Variants in VSIG4 observed in about 807,000 individuals in gnomAD.
VSIG4 encodes V-set and immunoglobulin domain containing 4.
In VSIG4, 34 loss-of-function variants were observed where a neutral mutation model predicts 23.4. The observed-to-expected ratio is 1.45, with a 90% CI of 1.10 to 1.93. The LOEUF (loss-of-function observed/expected upper bound fraction) is 1.93. Among genes scored for constraint, VSIG4 ranks in the 30% most tolerant of loss-of-function variants. VSIG4 has a pLI of 0.00. For missense variants in VSIG4, 433 were observed against 310.8 expected (o/e 1.39, Z -2.96); for synonymous variants, 169 against 120.3 (o/e 1.41, Z -2.65).
intron 3 of VSIG4, among the ~76,000 whole-genome samples, chrX:66,030,961 G>T (rs1236234769): frequency 9.0e-6 from 1 of 110,984 alleles, no homozygotes; most frequent in Non-Finnish European, 1.9e-5. Flanking sequence ...CCGTAGGGCA[G>T]AGGTGAAATA....
Position 66,022,019 on chromosome X carries a change from G to T in VSIG4, c.*244C>A. On this transcript the variant is annotated 3_prime_UTR_variant, in exon 8 of 8. Coordinates refer to ENST00000374737, the MANE Select transcript of VSIG4 (RefSeq NM_007268.3). ...ATGGGCATCTTCCCTCTGGTATTTA[G>T]AGAGGAGTACCAGAAGCCCCCGGCA... The T allele has an allele frequency of 8.9e-7, 1 of 1,121,558 alleles. No homozygotes were observed. The highest frequency in any genetic ancestry group is 1.2e-6 in the Non-Finnish European group (1 of 835,449). The allele number at this position is 1,121,558 out of a possible 1,213,427, so 92.4% of individuals were successfully genotyped here.
At chrX:66,036,725 T>A (rs2085551726) in intron 1 of VSIG4, among the ~76,000 whole-genome samples, 1 of 50,641 alleles carries the variant, frequency 2.0e-5, no homozygotes, top group Non-Finnish European at 3.2e-5. Flanking sequence ...ATATATATAT[T>A]ATATAATTAT....
Position 66,032,578 on chromosome X carries a change from G to T in VSIG4, c.584C>A (p.Thr195Asn), listed in dbSNP as rs139911916. ...TATCACCGCAGGCTTGAAGAGTAAGGTACTTAGGGTTGCTACTTTGATGGG... is the reference window on the plus strand; with the variant it reads ...TATCACCGCAGGCTTGAAGAGTAAGTTACTTAGGGTTGCTACTTTGATGGG... ...QEPIKVATLS[T>N]LLFKPAVIAD... The change falls in exon 3 of 8, where the codon ACC becomes AAC. Residue 195 changes from threonine (T) to asparagine (N), a missense_variant. Coordinates refer to ENST00000374737, the MANE Select transcript of VSIG4 (RefSeq NM_007268.3). The T allele has an allele frequency of 1.8e-5, 22 of 1,209,799 alleles. No individual in the cohort carries two copies. Among genetic ancestry groups the T allele is most frequent in the African/African-American group, 1.6e-4 (9 of 57,107 alleles).
At position 66,027,534 on chromosome X, in the gene VSIG4, T is replaced by C. The variant is rs2085406570; in HGVS notation, c.758-8A>G. The C allele has an allele frequency of 8.6e-7, 1 of 1,169,378 alleles. No individual in the cohort carries two copies. The highest frequency in any genetic ancestry group is 3.0e-5 in the East Asian group (1 of 33,088). Reference sequence around the variant, plus strand: ...GCTTCACTGTAGATGTTGCTATGAATATAGAGAATAGGGTCAGAGATGTCT... The same window carrying C: ...GCTTCACTGTAGATGTTGCTATGAACATAGAGAATAGGGTCAGAGATGTCT... On this transcript the variant is annotated splice_polypyrimidine_tract_variant and splice_region_variant and intron_variant, in intron 4 of 7. Transcript: ENST00000374737.
At chrX:66,027,403 G>A (rs185804017) in intron 5 of VSIG4, 46 bp downstream of exon 5, 41 of 1,101,129 alleles carry the variant, frequency 3.7e-5, no homozygotes, top group Non-Finnish European at 4.6e-5. Context: ...TGGTCACAAA[G>A]CTTAGAGTCA....
At chrX:66,027,997 C>T (rs999354932) in intron 4 of VSIG4, 53 bp downstream of exon 4, 17 of 1,108,804 alleles carry the variant, frequency 1.5e-5, no homozygotes, top group Non-Finnish European at 1.9e-5. Context: ...TTCTTGGCTA[C>T]GATGACACCA....
intron 5 of VSIG4, 95 bp from the exon 6 acceptor site, chrX:66,025,224 C>CT: frequency 1.7e-6 from 1 of 576,298 alleles, no homozygotes; most frequent in African/African-American, 2.3e-5. Context: ...AGGCCTTTTT[C>CT]TTTTTCATTT....
chrX:66,034,854 G>A (rs751777493), intron 1 of VSIG4, among the ~76,000 whole-genome samples: 1 of 110,354 alleles, frequency 9.1e-6, no homozygotes, highest in Non-Finnish European at 1.9e-5. Flanking sequence ...TTATTTAGAA[G>A]ATTTTTTGTT....
intron 1 of VSIG4, among the ~76,000 whole-genome samples, chrX:66,034,214 A>T (rs1390901240): frequency 8.9e-6 from 1 of 112,058 alleles, no homozygotes; most frequent in Non-Finnish European, 1.9e-5. Flanking sequence ...TCCATGAAAA[A>T]ATTTTCTTTT....
At chrX:66,022,626 G>C in intron 7 of VSIG4, 126 bp from the exon 8 acceptor site, 2 of 1,131,762 alleles carry the variant, frequency 1.8e-6, no homozygotes, top group Non-Finnish European at 2.3e-6. Flanking sequence ...TCTGGAAGCA[G>C]AAGGCAGATG....
intron 1 of VSIG4, among the ~76,000 whole-genome samples, chrX:66,036,203 T>C (rs1473083380): frequency 9.0e-6 from 1 of 110,671 alleles, no homozygotes; most frequent in East Asian, 2.8e-4. Flanking sequence ...GTTCCTTTTT[T>C]CTTCCTTCTT....
chrX:66,039,765 T>C (rs1286798222), intron 1 of VSIG4, among the ~76,000 whole-genome samples, 179 bp downstream of exon 1: 2 of 112,656 alleles, frequency 1.8e-5, no homozygotes, highest in Non-Finnish European at 3.8e-5. Flanking sequence ...TTCTGGCTTC[T>C]TCAGCAGCCT....
chrX:66,034,544 CT>C (rs1248819271), intron 1 of VSIG4, among the ~76,000 whole-genome samples: 5 of 111,938 alleles, frequency 4.5e-5, no homozygotes, highest in Non-Finnish European at 7.5e-5. Context: ...GTAAACCTGA[CT>C]TTTTTTCTGA....
At chrX:66,024,681 T>A (rs1180529250) in intron 6 of VSIG4, among the ~76,000 whole-genome samples, 1 of 112,106 alleles carries the variant, frequency 8.9e-6, no homozygotes, top group African/African-American at 3.2e-5. Context: ...TGCTATGTAT[T>A]GTCATTGATA....
At chrX:66,023,634 C>T (rs985051535) in intron 6 of VSIG4, among the ~76,000 whole-genome samples, 11 of 112,193 alleles carry the variant, frequency 9.8e-5, no homozygotes, top group Non-Finnish European at 1.7e-4. Flanking sequence ...ATGCTCAGCA[C>T]CTGTCACACA....
At chrX:66,037,303 T>G (rs1602113420) in intron 1 of VSIG4, among the ~76,000 whole-genome samples, 1 of 16,000 alleles carries the variant, frequency 6.3e-5, no homozygotes, top group East Asian at 3.6e-3. Context: ...TATTATATAA[T>G]AATATAATAT....
intron 2 of VSIG4, among the ~76,000 whole-genome samples, 167 bp downstream of exon 2, chrX:66,033,307 T>C (rs1380261245): frequency 9.0e-6 from 1 of 111,376 alleles, no homozygotes; most frequent in Non-Finnish European, 1.9e-5. Context: ...ACTATGGGAA[T>C]GCTGACCCTA....
chrX:66,026,367 GA>G (rs1296923794), intron 5 of VSIG4, among the ~76,000 whole-genome samples: 1 of 112,036 alleles, frequency 8.9e-6, no homozygotes, highest in Non-Finnish European at 1.9e-5. Context: ...CTCTTTTGAA[GA>G]GAGTCAAGTA....
At chrX:66,034,715 A>G (rs1028308891) in intron 1 of VSIG4, among the ~76,000 whole-genome samples, 1 of 93,783 alleles carries the variant, frequency 1.1e-5, no homozygotes, top group African/African-American at 3.9e-5. Context: ...GTGGTGATAG[A>G]AGCAATGGGA....
Sources: allele counts gnomAD v4.1 joint callset (sites outside exome capture counted in the v4.1 genomes callset), GRCh38; gene constraint gnomAD v4.1.1; transcripts MANE v1.5; gene names NCBI Gene and HGNC (gene_info 2026-07-23, HGNC 2026-07-21).